The following ZNF415 variants were observed in gnomAD, a reference collection of about 807,000 sequenced individuals.
The protein encoded by ZNF415 is zinc finger protein 415.
ZNF415 carries 5 observed loss-of-function variants against 7.3 expected under a neutral mutation model. The observed-to-expected ratio is 0.69, with a 90% CI of 0.36 to 1.44. ZNF415 has a LOEUF of 1.44. Ranked by LOEUF, ZNF415 falls within the 40% of genes most tolerant of loss-of-function variation. The probability of loss-of-function intolerance (pLI) is 0.04; values close to 1 mark genes in which losing one functional copy is unlikely to be tolerated. For missense variants in ZNF415, 628 were observed against 664.8 expected, an observed-to-expected ratio of 0.94 and a Z score of 0.61; for synonymous variants, 207 against 226.3, an observed-to-expected ratio of 0.91 and a Z score of 0.77.
intron 3 of ZNF415, among the ~76,000 whole-genome samples, chr19:53,112,342 A>AC (rs778710025): frequency 1.6e-4 from 24 of 152,186 alleles, no homozygotes; most frequent in Admixed American, 6.5e-5. Context: ...GCAAGAATGC[A>AC]CCCAGGCGAG....
At chr19:53,128,920 A>G (rs2089654409) in intron 1 of ZNF415, among the ~76,000 whole-genome samples, 1 of 57,410 alleles carries the variant, frequency 1.7e-5, no homozygotes, top group East Asian at 3.5e-4. Flanking sequence ...GTGTCCTCCA[A>G]TGGAGGGAGA....
At chr19:53,114,365 C>T (rs1475841467) in intron 3 of ZNF415, among the ~76,000 whole-genome samples, 1 of 152,052 alleles carries the variant, frequency 6.6e-6, no homozygotes, top group Non-Finnish European at 1.5e-5. Flanking sequence ...TTAGTAGAGA[C>T]GGGGTTTCAC....
At chr19:53,122,395 G>A (rs1328850295) in intron 2 of ZNF415, 4 of 1,536,508 alleles carry the variant, frequency 2.6e-6, no homozygotes, top group South Asian at 1.2e-5. Context: ...GACACCACGG[G>A]ACCCTCACCC....
chr19:53,120,999 G>C (rs1165712798), intron 2 of ZNF415, among the ~76,000 whole-genome samples: 1 of 144,312 alleles, frequency 6.9e-6, no homozygotes, highest in Non-Finnish European at 1.5e-5. Flanking sequence ...CAGGAGAATT[G>C]CTTGAACCTG....
chr19:53,108,697 T>C lies in ZNF415; in HGVS notation c.1348A>G (p.Ser450Gly). 6.2e-7 allele frequency: 1 copy of C among 1,614,222 alleles called. No homozygotes were observed. ...TGGGTAGTTAAGTTCGAATGCACAC[T>C]AAAGGCTTTCCCACACTCATTACAC... ...YKCNECGKAF[S>G]VHSNLTTHQV... The change falls in exon 4 of 4, where the codon AGT (serine) becomes GGT (glycine). Residue 450 changes from serine to glycine, a missense_variant. By Grantham distance (56) the Ser-to-Gly change is moderately conservative (BLOSUM62 0). Transcript: ENST00000243643.
At chr19:53,113,000 C>T (rs1017647944) in intron 3 of ZNF415, among the ~76,000 whole-genome samples, 6 of 151,372 alleles carry the variant, frequency 4.0e-5, no homozygotes, top group Non-Finnish European at 1.5e-5. Flanking sequence ...GCAGGAGCAT[C>T]GCTTGAACCT....
At chr19:53,120,043 A>G (rs891699718) in intron 2 of ZNF415, among the ~76,000 whole-genome samples, 2 of 151,362 alleles carry the variant, frequency 1.3e-5, no homozygotes, top group Admixed American at 6.6e-5. Context: ...CTATGAAGCC[A>G]GCATTCCCGA....
chr19:53,115,585 T>C, intron 3 of ZNF415: 1 of 767,670 alleles, frequency 1.3e-6, no homozygotes, highest in Non-Finnish European at 2.1e-6. Context: ...AGTTTAAAAT[T>C]TCCTCTAAGA....
rs529409118 is a variant in ZNF415 at position 53,113,985 on chromosome 19, C to T, written c.136+2328G>A. Among the ~76,000 whole-genome samples the T allele has an allele frequency of 3.9e-5, 6 of 152,314 alleles. No individual in the cohort carries two copies. The South Asian group carries it at 6.2e-4, about 16-fold the overall frequency. On this transcript the variant is annotated intron_variant, in intron 3 of 3. Coordinates refer to ENST00000243643, the MANE Select transcript of ZNF415 (RefSeq NM_018355.4). The stretch of plus-strand genomic sequence containing the variant: ...GAGCCATGCTGACAATTCTGCTGAA[C>T]GCTTTAAGGGGCATCTCTACATGTA...
chr19:53,116,066 G>A (rs776361031), intron 3 of ZNF415: 11 of 614,970 alleles, frequency 1.8e-5, no homozygotes, highest in Non-Finnish European at 3.1e-5. Flanking sequence ...GAGTATTTCA[G>A]AAGTCTACCA....
At chr19:53,118,743 G>T (rs771948104) in intron 2 of ZNF415, among the ~76,000 whole-genome samples, 34 of 151,890 alleles carry the variant, frequency 2.2e-4, no homozygotes, top group Non-Finnish European at 4.3e-4. Flanking sequence ...AAAAAATCTT[G>T]AAACAAGTAA....
chr19:53,129,408 C>T (rs960644107), intron 1 of ZNF415, among the ~76,000 whole-genome samples: 11 of 152,146 alleles, frequency 7.2e-5, no homozygotes, highest in African/African-American at 2.7e-4. Context: ...AGAAAGGCCC[C>T]GAAGATGGTC....
intron 1 of ZNF415, among the ~76,000 whole-genome samples, chr19:53,128,953 A>G (rs76157691): frequency 0.018 from 2,497 of 138,566 alleles, 32 homozygotes; most frequent in Non-Finnish European, 0.03. Flanking sequence ...AAAATAATCC[A>G]CGCAGAAGAG....
intron 3 of ZNF415, chr19:53,115,471 T>G (rs570576915): frequency 5.5e-6 from 3 of 548,618 alleles, no homozygotes; most frequent in Non-Finnish European, 9.8e-6. Context: ...ATGCTGTCCA[T>G]CATGATGAGC....
chr19:53,112,812 C>G (rs1412893175), intron 3 of ZNF415, among the ~76,000 whole-genome samples: 1 of 152,122 alleles, frequency 6.6e-6, no homozygotes, highest in Non-Finnish European at 1.5e-5. Flanking sequence ...TGGGGCCAGG[C>G]GTGGTGGCTC....
At position 53,108,952 on chromosome 19, in the gene ZNF415, ACAC is replaced by A; in HGVS notation, c.1090_1092del (p.Val364del). ...GTTGCAAGGCTTGAAGTCTGACTGA[ACAC>A]CTTGCCACATTCATTGCATTTGTAA... On this transcript the variant is annotated inframe_deletion, in exon 4 of 4. Transcript: ENST00000243643. 6.2e-7 allele frequency: 1 copy of A among 1,614,126 alleles called. No individual in the cohort carries two copies. Among genetic ancestry groups the A allele is most frequent in the Non-Finnish European group, 8.5e-7 (1 of 1,180,020 alleles).
chr19:53,116,363 G>GAGGAC lies in ZNF415; in HGVS notation c.85_86insGTCCT (p.Thr29SerfsTer8), dbSNP rs2087024639. On this transcript the variant is annotated frameshift_variant, in exon 3 of 4. Coordinates refer to ENST00000243643, the MANE Select transcript of ZNF415 (RefSeq NM_018355.4). LOFTEE classifies it high-confidence loss of function. ...CTCCAACATCACATCCCTGTATAAA[G>GAGGAC]TCCTCTGTGTAGAGTTCAGGCATTT... 3 of 1,613,668 alleles carry GAGGAC rather than the reference G, an allele frequency of 1.9e-6. No individual in the cohort carries two copies. The highest frequency in any genetic ancestry group is 3.3e-5 in the Admixed American group (2 of 59,916).
At chr19:53,121,836 T>C (rs2088131063) in intron 2 of ZNF415, among the ~76,000 whole-genome samples, 1 of 152,112 alleles carries the variant, frequency 6.6e-6, no homozygotes, top group Admixed American at 6.6e-5. Flanking sequence ...TCATTAACAG[T>C]GTGGAGTCAG....
intron 1 of ZNF415, chr19:53,124,369 C>G (rs1030375673): frequency 1.3e-5 from 2 of 151,964 alleles, no homozygotes; most frequent in African/African-American, 4.8e-5. Flanking sequence ...GCCAGCAGGG[C>G]AGACAAAATG....
Sources: allele counts gnomAD v4.1 joint callset (sites outside exome capture counted in the v4.1 genomes callset), GRCh38; gene constraint gnomAD v4.1.1; transcripts MANE v1.5; gene names NCBI Gene and HGNC (gene_info 2026-07-23, HGNC 2026-07-21).